DAAM1: variants seen among roughly 807,000 people sequenced by gnomAD.
DAAM1 encodes dishevelled associated activator of morphogenesis 1.
In DAAM1, 52 loss-of-function variants were observed where a neutral mutation model predicts 130.0. That is an observed-to-expected ratio of 0.40 (90% CI 0.32 to 0.50). The LOEUF (loss-of-function observed/expected upper bound fraction) is 0.50, where lower values mean the gene tolerates loss of function less well. DAAM1 is among the 20% of genes least tolerant of loss of function. The pLI, the probability that DAAM1 is intolerant of heterozygous loss-of-function variation, is 0.61. For missense variants in DAAM1, 1,134 were observed against 1,303.8 expected (o/e 0.87, Z 2.01); for synonymous variants, 452 against 444.5 (o/e 1.02, Z -0.21).
intron 12 of DAAM1, among the ~76,000 whole-genome samples, chr14:59,328,239 C>T (rs1352942581): frequency 2.6e-5 from 4 of 152,188 alleles, no homozygotes; most frequent in Admixed American, 6.5e-5. Context: ...TGTTATGTTA[C>T]GAGTTCCTCA....
intron 1 of DAAM1, among the ~76,000 whole-genome samples, chr14:59,262,606 A>G (rs772378331): frequency 3.9e-5 from 6 of 152,102 alleles, no homozygotes; most frequent in Non-Finnish European, 7.3e-5. Flanking sequence ...CCATATCTAC[A>G]TATACAAATG....
intron 1 of DAAM1, among the ~76,000 whole-genome samples, chr14:59,258,674 G>C (rs905204443): frequency 6.6e-6 from 1 of 152,166 alleles, no homozygotes; most frequent in Non-Finnish European, 1.5e-5. Context: ...GTCTGTATCT[G>C]AAAGACTAGG....
At chr14:59,221,170 G>A (rs1888759832) in intron 1 of DAAM1, among the ~76,000 whole-genome samples, 1 of 152,182 alleles carries the variant, frequency 6.6e-6, no homozygotes, top group Non-Finnish European at 1.5e-5. Context: ...TCTGGAAGTG[G>A]AGGTGAAGTC....
intron 1 of DAAM1, among the ~76,000 whole-genome samples, chr14:59,262,375 G>A (rs1433439173): frequency 1.3e-5 from 2 of 152,048 alleles, no homozygotes; most frequent in Admixed American, 6.5e-5. Context: ...ATCTTTCCAA[G>A]GCAATATATA....
intron 3 of DAAM1, among the ~76,000 whole-genome samples, chr14:59,308,013 C>T (rs921064183): frequency 1.3e-5 from 2 of 152,178 alleles, no homozygotes; most frequent in South Asian, 2.1e-4. Flanking sequence ...ACAAGTTTCC[C>T]TCCACTTAAT....
intron 1 of DAAM1, among the ~76,000 whole-genome samples, chr14:59,262,652 T>TTGTG (rs1882222120): frequency 8.6e-6 from 1 of 116,476 alleles, no homozygotes; most frequent in Non-Finnish European, 1.8e-5. Flanking sequence ...AATATTCTAT[T>TTGTG]AGTGTGTGTG....
In DAAM1 at chr14:59,274,046, G is replaced by A. The variant is rs922905733; in HGVS notation, c.183+10386G>A. Among the ~76,000 whole-genome samples the A allele has an allele frequency of 2.0e-5, 3 of 152,134 alleles. No homozygotes were observed. In the East Asian group the frequency reaches 5.8e-4, roughly 29 times the overall value. ...TCTGGAATTTCAAGCTGTTCTTGGT[G>A]CGTGTTACAAGAGCTCAGTGACCAG... On this transcript the variant is annotated intron_variant, in intron 2 of 24. Coordinates refer to ENST00000360909, the MANE Select transcript of DAAM1 (RefSeq NM_001270520.2).
chr14:59,240,339 C>T (rs145787437), intron 1 of DAAM1, among the ~76,000 whole-genome samples: 198 of 152,316 alleles, frequency 1.3e-3, no homozygotes, highest in African/African-American at 4.6e-3. Context: ...CACATAGTCT[C>T]TGACCTTGGA....
chr14:59,330,760 A>G (rs1885396867), intron 13 of DAAM1, 72 bp downstream of exon 13: 5 of 1,417,490 alleles, frequency 3.5e-6, no homozygotes, highest in Middle Eastern at 2.3e-4. Flanking sequence ...ACCCTTAAGT[A>G]GAGAACTTCA....
rs1204579089 is a variant in DAAM1 at position 59,368,692 on chromosome 14, A to G, written c.3040A>G (p.Lys1014Glu). ...AAGGGAACGTAAAATGAGAAAAGCT[A>G]AAGAGAATAGTGAAGAAAGCGGAGA... ...RERERKMRKA[K>E]ENSEESGEFD... The change falls in exon 25 of 25, where the codon AAA becomes GAA. Residue 1014 changes from lysine (K) to glutamate (E), a missense_variant. Around this residue, in one of 3 missense-constraint regions of DAAM1, gnomAD observed 644 missense variants for 695.9 expected, o/e 0.93. Transcript: ENST00000360909. 1.2e-6 allele frequency: 2 copies of G among 1,613,834 alleles called. No homozygotes were observed. Among genetic ancestry groups the G allele is most frequent in the Non-Finnish European group, 1.7e-6 (2 of 1,179,810 alleles).
chr14:59,326,657 C>T lies in DAAM1; in HGVS notation c.1313+9C>T, dbSNP rs1184570862. ...AAGAATGTCGTACGAATGTAAGTCT[C>T]TTCTTATTCTGCTGCTGTGAGATAA... On this transcript the variant is annotated intron_variant, in intron 11 of 24. Transcript: ENST00000360909. 3 of 1,609,380 alleles carry T rather than the reference C, an allele frequency of 1.9e-6. No homozygotes were observed. The highest frequency in any genetic ancestry group is 1.7e-4 in the Middle Eastern group (1 of 6,034).
At chr14:59,286,094 A>C (rs1883439403) in intron 2 of DAAM1, among the ~76,000 whole-genome samples, 1 of 152,230 alleles carries the variant, frequency 6.6e-6, no homozygotes, top group African/African-American at 2.4e-5. Flanking sequence ...AGTGGAATAA[A>C]AATGGAAATC....
At chr14:59,198,207 C>CTTTTT (rs751141772) in intron 1 of DAAM1, among the ~76,000 whole-genome samples, 2 of 133,422 alleles carry the variant, frequency 1.5e-5, no homozygotes, top group African/African-American at 2.8e-5. Flanking sequence ...TCTTTTCTTT[C>CTTTTT]TTTTTTTTTT....
At chr14:59,218,742 ATGTC>A (rs1384489893) in intron 1 of DAAM1, among the ~76,000 whole-genome samples, 4 of 152,074 alleles carry the variant, frequency 2.6e-5, no homozygotes, top group African/African-American at 9.7e-5. Flanking sequence ...TTTGGCTTTA[ATGTC>A]TGTCTGTTGG....
intron 4 of DAAM1, among the ~76,000 whole-genome samples, chr14:59,319,739 A>C (rs755480015): frequency 6.6e-6 from 1 of 152,162 alleles, no homozygotes; most frequent in Non-Finnish European, 1.5e-5. Flanking sequence ...AACAACTGCA[A>C]TCTTACATGG....
intron 1 of DAAM1, among the ~76,000 whole-genome samples, chr14:59,202,994 T>G (rs1182926486): frequency 1.3e-5 from 2 of 151,174 alleles, no homozygotes; most frequent in Non-Finnish European, 2.9e-5. Context: ...ACATGAGCTT[T>G]CTTTTTTTTT....
intron 15 of DAAM1, among the ~76,000 whole-genome samples, chr14:59,336,482 T>C (rs1474034523): frequency 6.6e-6 from 1 of 152,216 alleles, no homozygotes; most frequent in East Asian, 1.9e-4. Context: ...CTACTTGAAA[T>C]AGGCCTGGAA....
chr14:59,257,383 A>T (rs1475453594), intron 1 of DAAM1, among the ~76,000 whole-genome samples: 1 of 152,054 alleles, frequency 6.6e-6, no homozygotes, highest in Non-Finnish European at 1.5e-5. Flanking sequence ...GACATTAAAA[A>T]AAAAAAGGCA....
chr14:59,241,336 C>T (rs1881105166), intron 1 of DAAM1, among the ~76,000 whole-genome samples: 1 of 152,196 alleles, frequency 6.6e-6, no homozygotes, highest in Non-Finnish European at 1.5e-5. Flanking sequence ...ATTTTTGGAA[C>T]ATCAGCCATA....
Sources: allele counts gnomAD v4.1 joint callset (sites outside exome capture counted in the v4.1 genomes callset), GRCh38; gene constraint gnomAD v4.1.1; regional missense constraint gnomAD v4.1.1; transcripts MANE v1.5; gene names NCBI Gene and HGNC (gene_info 2026-07-23, HGNC 2026-07-21).